The following MAF variants were observed in gnomAD, a reference collection of about 807,000 sequenced individuals.
MAF encodes MAF bZIP transcription factor.
In MAF, 10 loss-of-function variants were observed where a neutral mutation model predicts 22.0. The ratio of observed to expected loss-of-function variants is 0.45; its 90% CI spans 0.28 to 0.77. The LOEUF is 0.77. Among genes scored for constraint, MAF ranks in the 30% least tolerant of loss-of-function variants. The probability of loss-of-function intolerance (pLI) is 0.12; values close to 1 mark genes in which losing one functional copy is unlikely to be tolerated. For synonymous variants in MAF, 337 were observed against 255.8 expected (o/e 1.32, Z -3.03); for missense variants, 544 against 548.4 (o/e 0.99, Z 0.08).
chr16:79,561,890 G>C, the MAF span, among the ~76,000 whole-genome samples: 1 of 152,130 alleles, frequency 6.6e-6, no homozygotes, highest in Non-Finnish European at 1.5e-5. Context: ...GAAAATATTT[G>C]TTGAGCACCT....
At chr16:79,466,513 C>G in the MAF span, among the ~76,000 whole-genome samples, 7 of 152,240 alleles carry the variant, frequency 4.6e-5, no homozygotes, top group African/African-American at 1.4e-4. Context: ...TTAGATCCAC[C>G]GTCTTATACT....
chr16:79,583,702 C>G (rs1597830300), downstream of MAF, among the ~76,000 whole-genome samples: 3 of 152,318 alleles, frequency 2.0e-5, no homozygotes, highest in Non-Finnish European at 4.4e-5. Context: ...TGTGTTGTCT[C>G]CTTGTCACAA....
At chr16:79,591,360 CG>C (rs1913181261), downstream of MAF, among the ~76,000 whole-genome samples, 2 of 152,150 alleles carry the variant, frequency 1.3e-5, no homozygotes, top group Non-Finnish European at 1.5e-5. Context: ...TCAGCAGACA[CG>C]ACTCCTTCAT....
chr16:79,311,636 G>C, the MAF span, among the ~76,000 whole-genome samples: 1 of 152,092 alleles, frequency 6.6e-6, no homozygotes, highest in Middle Eastern at 3.2e-3. Flanking sequence ...GACTCAAAGC[G>C]CCTCTTTCTG....
At chr16:79,330,704 G>GC in the MAF span, among the ~76,000 whole-genome samples, 3 of 152,172 alleles carry the variant, frequency 2.0e-5, no homozygotes, top group Non-Finnish European at 2.9e-5. Flanking sequence ...AAGGTGCCAC[G>GC]CACAGTGCTT....
At chr16:79,552,718 C>T in the MAF span, among the ~76,000 whole-genome samples, 1 of 152,288 alleles carries the variant, frequency 6.6e-6, no homozygotes, top group African/African-American at 2.4e-5. Flanking sequence ...GCAGCTGGTT[C>T]TGGGTTCTTC....
At chr16:79,269,453 A>C in the MAF span, among the ~76,000 whole-genome samples, 1 of 152,120 alleles carries the variant, frequency 6.6e-6, no homozygotes. Flanking sequence ...GAATGGAGGT[A>C]TGGGTGGGTG....
the MAF span, among the ~76,000 whole-genome samples, chr16:79,431,829 A>G: frequency 6.6e-6 from 1 of 152,196 alleles, no homozygotes; most frequent in South Asian, 2.1e-4. Flanking sequence ...TCACAAAACC[A>G]CATGGCAAGT....
the MAF span, among the ~76,000 whole-genome samples, chr16:79,510,789 C>T: frequency 6.6e-6 from 1 of 152,236 alleles, no homozygotes; most frequent in African/African-American, 2.4e-5. Flanking sequence ...TGTGTTGGGC[C>T]CCACACATTG....
At chr16:79,350,375 A>C in the MAF span, among the ~76,000 whole-genome samples, 357 of 152,316 alleles carry the variant, frequency 2.3e-3, no homozygotes, top group African/African-American at 8.2e-3. Flanking sequence ...TGACCCCAGC[A>C]ATAGGATTTG....
At chr16:79,333,897 T>C in the MAF span, among the ~76,000 whole-genome samples, 11 of 152,134 alleles carry the variant, frequency 7.2e-5, no homozygotes, top group Non-Finnish European at 1.3e-4. Context: ...TACCACCACA[T>C]GCAGAAACCT....
At chr16:79,318,452 C>T in the MAF span, among the ~76,000 whole-genome samples, 76 of 152,282 alleles carry the variant, frequency 5.0e-4, no homozygotes, top group Non-Finnish European at 4.6e-4. Flanking sequence ...TGGGAAAATG[C>T]AAACATGTGA....
the MAF span, among the ~76,000 whole-genome samples, chr16:79,355,076 T>A: frequency 3.3e-5 from 5 of 152,168 alleles, no homozygotes; most frequent in South Asian, 8.3e-4. Context: ...AAGATTAGTT[T>A]TTCCCCCTCA....
the MAF span, among the ~76,000 whole-genome samples, chr16:79,266,838 T>C: frequency 6.6e-6 from 1 of 152,158 alleles, no homozygotes; most frequent in Non-Finnish European, 1.5e-5. Flanking sequence ...TAGAAAAAGG[T>C]ACCAACCAGT....
At chr16:79,294,840 A>G in the MAF span, among the ~76,000 whole-genome samples, 1 of 152,336 alleles carries the variant, frequency 6.6e-6, no homozygotes, top group Non-Finnish European at 1.5e-5. Context: ...AAACTACAAC[A>G]GCATGGCATC....
chr16:79,435,655 G>A, the MAF span, among the ~76,000 whole-genome samples: 1 of 152,138 alleles, frequency 6.6e-6, no homozygotes, highest in Non-Finnish European at 1.5e-5. Context: ...CCTCTTCTCA[G>A]GGCATTTCTA....
the MAF span, among the ~76,000 whole-genome samples, chr16:79,329,340 G>A: frequency 1.1e-4 from 16 of 152,280 alleles, no homozygotes; most frequent in African/African-American, 3.4e-4. Context: ...TTGGAGAAGT[G>A]AGAGTTTGCA....
the MAF span, among the ~76,000 whole-genome samples, chr16:79,451,184 A>G: frequency 1.3e-5 from 2 of 152,356 alleles, no homozygotes; most frequent in African/African-American, 4.8e-5. Flanking sequence ...CCGTCCAGTT[A>G]AAACTAACAT....
chr16:79,411,618 T>C, the MAF span, among the ~76,000 whole-genome samples: 1 of 152,212 alleles, frequency 6.6e-6, no homozygotes, highest in African/African-American at 2.4e-5. Flanking sequence ...ATCACCTCAA[T>C]TACAAGTCAT....
Sources: gnomAD v4.1 joint callset for allele counts (sites outside exome capture counted in the v4.1 genomes callset) on GRCh38, gnomAD v4.1.1 for gene constraint, MANE v1.5 for transcripts, NCBI Gene and HGNC (gene_info 2026-07-23, HGNC 2026-07-21) for gene names.